TSC22D1: variants seen among roughly 807,000 people sequenced by gnomAD.
TSC22D1 encodes TSC22 domain family member 1.
TSC22D1 carries 9 observed loss-of-function variants against 74.2 expected under a neutral mutation model. That is an observed-to-expected ratio of 0.12 (90% CI 0.07 to 0.21). TSC22D1 has a LOEUF of 0.21. TSC22D1 is among the 10% of genes least tolerant of loss of function. The pLI is 1.00. For missense variants in TSC22D1, 1,427 were observed against 1,304.7 expected (o/e 1.09, Z -1.44); for synonymous variants, 586 against 492.5 (o/e 1.19, Z -2.51).
At chr13:44,450,617 A>T (rs1214939763) in intron 1 of TSC22D1, among the ~76,000 whole-genome samples, 1 of 152,214 alleles carries the variant, frequency 6.6e-6, no homozygotes, top group Non-Finnish European at 1.5e-5. Context: ...GTGTGAGGTA[A>T]GGGAGGCAGG....
intron 1 of TSC22D1, among the ~76,000 whole-genome samples, chr13:44,484,319 T>G (rs1319786856): frequency 6.6e-6 from 1 of 152,198 alleles, no homozygotes; most frequent in Non-Finnish European, 1.5e-5. Flanking sequence ...GATTTCCATT[T>G]CTTACTGTAA....
At position 44,574,598 on chromosome 13, in the gene TSC22D1, T is replaced by C. The variant is rs778672001; in HGVS notation, c.1477A>G (p.Thr493Ala). Residue 493 changes from threonine to alanine, a missense_variant, in exon 1 of 3, where the codon ACT (threonine) becomes GCT (alanine). This residue lies in a region of TSC22D1 where 1,343 missense variants were observed against 1,191.5 expected (regional missense o/e 1.13). Coordinates refer to ENST00000458659, the MANE Select transcript of TSC22D1 (RefSeq NM_183422.4). ...SVGSGEMGAPTVVVQQQQQQQ... is the reference protein window; with the variant it reads ...SVGSGEMGAPAVVVQQQQQQQ... ...TGCTGCTGCTGCTGCACCACCACAGTAGGGGCTCCCATCTCTCCACTTCCC... is the reference window on the plus strand; with the variant it reads ...TGCTGCTGCTGCTGCACCACCACAGCAGGGGCTCCCATCTCTCCACTTCCC... The C allele has an allele frequency of 2.5e-6, 4 of 1,613,918 alleles. No homozygotes were observed. The highest frequency in any genetic ancestry group is 2.2e-5 in the South Asian group (2 of 91,082).
In TSC22D1 at chr13:44,576,100, G is replaced by C; in HGVS notation, c.-26C>G. ...TGTGTTGGGTACCGGGGGCGCGGAG[G>C]AGACGAGTGCAATTTCCTTCTGCAC... On this transcript the variant is annotated 5_prime_UTR_variant, in exon 1 of 3. Coordinates refer to ENST00000458659, the MANE Select transcript of TSC22D1 (RefSeq NM_183422.4). 1 of 1,493,060 alleles carries C rather than the reference G, an allele frequency of 6.7e-7. No homozygotes were observed. The highest frequency in any genetic ancestry group is 8.9e-7 in the Non-Finnish European group (1 of 1,127,822). 92.5% of individuals were successfully genotyped at this position (1,493,060 alleles called of 1,614,324 possible).
intron 1 of TSC22D1, among the ~76,000 whole-genome samples, chr13:44,456,244 A>G (rs543895225): frequency 7.9e-5 from 12 of 152,310 alleles, no homozygotes; most frequent in Admixed American, 7.2e-4. Context: ...GCGGAGAAGA[A>G]GACCCGAGCG....
At chr13:44,488,932 GA>G (rs1264279578) in intron 1 of TSC22D1, among the ~76,000 whole-genome samples, 1 of 152,132 alleles carries the variant, frequency 6.6e-6, no homozygotes, top group Non-Finnish European at 1.5e-5. Flanking sequence ...AGAGTTTTAT[GA>G]GGAACCATAA....
chr13:44,460,133 GA>G (rs1322196085), intron 1 of TSC22D1, among the ~76,000 whole-genome samples: 1 of 152,186 alleles, frequency 6.6e-6, no homozygotes, highest in Non-Finnish European at 1.5e-5. Flanking sequence ...GATAACACAA[GA>G]AAAGAACCTG....
At chr13:44,550,462 A>C (rs1431532341) in intron 1 of TSC22D1, among the ~76,000 whole-genome samples, 1 of 151,864 alleles carries the variant, frequency 6.6e-6, no homozygotes, top group Non-Finnish European at 1.5e-5. Context: ...CATGCCTGTA[A>C]TCCCAGCTAC....
chr13:44,442,092 G>A (rs1258091914), intron 1 of TSC22D1, among the ~76,000 whole-genome samples: 1 of 152,148 alleles, frequency 6.6e-6, no homozygotes, highest in African/African-American at 2.4e-5. Context: ...TTCAGTCTAG[G>A]ACTAATTTAA....
Position 44,433,755 on chromosome 13 carries a change from T to A in TSC22D1, c.*871A>T. The A allele has an allele frequency of 1.9e-6, 1 of 514,114 alleles. No individual in the cohort carries two copies. Among genetic ancestry groups the A allele is most frequent in the Non-Finnish European group, 3.4e-6 (1 of 297,934 alleles). 31.8% of individuals were successfully genotyped at this position (514,114 alleles called of 1,614,324 possible). A position where few individuals can be genotyped will look rare whatever the true frequency, so the allele number is the denominator to read the frequency against. Reference sequence around the variant, plus strand: ...CAGTGAACAAGGATTTACTTCAGCGTATTCAGCAGCTAGATTTCAGATTAC... The same window carrying A: ...CAGTGAACAAGGATTTACTTCAGCGAATTCAGCAGCTAGATTTCAGATTAC... On this transcript the variant is annotated 3_prime_UTR_variant, in exon 3 of 3. Transcript: ENST00000458659.
intron 1 of TSC22D1, among the ~76,000 whole-genome samples, chr13:44,512,208 C>T (rs1271941452): frequency 1.3e-5 from 2 of 152,046 alleles, no homozygotes; most frequent in Admixed American, 6.6e-5. Context: ...CTTGCTCTTT[C>T]GCCCAGGCCG....
intron 1 of TSC22D1, among the ~76,000 whole-genome samples, chr13:44,511,410 A>T (rs1879709025): frequency 6.6e-6 from 1 of 152,240 alleles, no homozygotes; most frequent in Admixed American, 6.5e-5. Context: ...CTTCTAACTT[A>T]TATTTGGGAA....
intron 1 of TSC22D1, among the ~76,000 whole-genome samples, chr13:44,459,626 C>G (rs1595094331): frequency 2.6e-5 from 4 of 152,340 alleles, no homozygotes; most frequent in African/African-American, 9.6e-5. Context: ...AGCTGCAGCC[C>G]TTCAGGAAGC....
At chr13:44,559,530 C>CT (rs995909624) in intron 1 of TSC22D1, among the ~76,000 whole-genome samples, 11 of 151,308 alleles carry the variant, frequency 7.3e-5, no homozygotes, top group Non-Finnish European at 1.5e-4. Flanking sequence ...AAAAAATTAA[C>CT]TTTTTTTTTC....
chr13:44,573,295 G>C lies in TSC22D1; in HGVS notation c.2780C>G (p.Thr927Ser). ...CATTCCCCCACTGTCACCACTGATA[G>C]TCTGAGGTAAGCCAACTAAGGAGGG... ...AEPSLVGLPQ[T>S]ISGDSGGMSA... Residue 927 changes from threonine (T) to serine (S), a missense_variant, in exon 1 of 3, where the codon ACT (threonine) becomes AGT (serine). Physicochemically the swap from Thr to Ser is moderately conservative, Grantham distance 58. Transcript: ENST00000458659. The C allele has an allele frequency of 1.2e-6, 2 of 1,614,240 alleles. No homozygotes were observed. Among genetic ancestry groups the C allele is most frequent in the South Asian group, 1.1e-5 (1 of 91,090 alleles).
chr13:44,437,429 A>C (rs189969990), intron 1 of TSC22D1: 14 of 213,736 alleles, frequency 6.6e-5, no homozygotes, highest in Admixed American at 2.0e-4. Context: ...AGAGGAAAAA[A>C]AATCACATTT....
intron 1 of TSC22D1, among the ~76,000 whole-genome samples, chr13:44,441,185 C>A (rs2138869374): frequency 6.6e-6 from 1 of 152,242 alleles, no homozygotes; most frequent in East Asian, 1.9e-4. Context: ...GCTGGACAAG[C>A]CCAAGCTGCA....
At chr13:44,523,409 G>C (rs1320858167) in intron 1 of TSC22D1, among the ~76,000 whole-genome samples, 3 of 152,150 alleles carry the variant, frequency 2.0e-5, no homozygotes, top group Non-Finnish European at 2.9e-5. Flanking sequence ...TCCTTCATTA[G>C]ATGATGGATA....
chr13:44,441,505 T>C (rs1174456716), intron 1 of TSC22D1, among the ~76,000 whole-genome samples: 1 of 152,130 alleles, frequency 6.6e-6, no homozygotes, highest in Non-Finnish European at 1.5e-5. Context: ...GGAAGAAAAA[T>C]TGCATGGCAG....
chr13:44,483,372 G>C (rs1445989058), intron 1 of TSC22D1, among the ~76,000 whole-genome samples: 4 of 152,066 alleles, frequency 2.6e-5, no homozygotes, highest in Non-Finnish European at 1.5e-5. Flanking sequence ...ACTTTAACAA[G>C]AATTATGGGC....
Sources: gnomAD v4.1 joint callset for allele counts (sites outside exome capture counted in the v4.1 genomes callset) on GRCh38, gnomAD v4.1.1 for gene constraint, gnomAD v4.1.1 regional missense constraint, MANE v1.5 for transcripts, NCBI Gene and HGNC (gene_info 2026-07-23, HGNC 2026-07-21) for gene names.